SMYD3: variants seen among roughly 807,000 people sequenced by gnomAD.
The protein encoded by SMYD3 is SET and MYND domain containing 3.
In SMYD3, 36 loss-of-function variants were observed where a neutral mutation model predicts 57.7. That is an observed-to-expected ratio of 0.62 (90% CI 0.48 to 0.82). SMYD3 has a LOEUF of 0.82. Ranked by LOEUF, SMYD3 falls within the 40% of genes least tolerant of loss-of-function variation. The pLI is 0.00. For missense variants in SMYD3, 515 were observed against 538.8 expected, an observed-to-expected ratio of 0.96 and a Z score of 0.44; for synonymous variants, 211 against 195.0, an observed-to-expected ratio of 1.08 and a Z score of -0.68.
chr1:246,468,060 C>T (rs907994503), intron 1 of SMYD3, among the ~76,000 whole-genome samples: 1 of 151,074 alleles, frequency 6.6e-6, no homozygotes, highest in Non-Finnish European at 1.5e-5. Context: ...ACTCAGAAGG[C>T]TGGGTTGGGA....
chr1:245,897,977 A>G (rs1189242748), intron 8 of SMYD3, among the ~76,000 whole-genome samples: 1 of 152,096 alleles, frequency 6.6e-6, no homozygotes, highest in Non-Finnish European at 1.5e-5. Flanking sequence ...GTGGAAGTCC[A>G]GTAAGAATGC....
chr1:245,903,419 G>T (rs186954761), intron 8 of SMYD3, among the ~76,000 whole-genome samples: 8 of 152,296 alleles, frequency 5.3e-5, no homozygotes, highest in Admixed American at 1.3e-4. Context: ...AACAGGCAGA[G>T]CAAGATGCTG....
intron 5 of SMYD3, among the ~76,000 whole-genome samples, chr1:246,067,478 G>A (rs954171081): frequency 3.9e-5 from 6 of 152,156 alleles, no homozygotes; most frequent in Non-Finnish European, 8.8e-5. Context: ...ATGAGTTGGG[G>A]AGAGCATCTG....
chr1:246,461,961 A>T (rs1049408025), intron 1 of SMYD3, among the ~76,000 whole-genome samples: 7 of 151,978 alleles, frequency 4.6e-5, no homozygotes, highest in Middle Eastern at 6.8e-3. Flanking sequence ...CAAACGTATA[A>T]ACCAAATGTA....
At chr1:246,421,830 C>T (rs1190654873) in intron 1 of SMYD3, among the ~76,000 whole-genome samples, 2 of 152,178 alleles carry the variant, frequency 1.3e-5, no homozygotes, top group Non-Finnish European at 2.9e-5. Context: ...GAATCTGAGT[C>T]AGAAGCCCCT....
chr1:246,502,556 AC>A (rs1406417326), intron 1 of SMYD3, among the ~76,000 whole-genome samples: 1 of 152,184 alleles, frequency 6.6e-6, no homozygotes, highest in Non-Finnish European at 1.5e-5. Flanking sequence ...AACTTGTCAA[AC>A]AATATCTCAA....
intron 8 of SMYD3, among the ~76,000 whole-genome samples, chr1:245,881,041 G>A (rs2052753345): frequency 6.6e-6 from 1 of 152,282 alleles, no homozygotes; most frequent in African/African-American, 2.4e-5. Context: ...CCCATCCTGG[G>A]CTTATAGGCC....
chr1:246,334,842 A>C (rs998345542), intron 3 of SMYD3, among the ~76,000 whole-genome samples: 2 of 152,224 alleles, frequency 1.3e-5, no homozygotes, highest in Non-Finnish European at 2.9e-5. Flanking sequence ...GTTGCTTCTT[A>C]TGAATGAACA....
rs2062524260 is a variant in SMYD3, at chr1:246,180,433, G to A, written c.531+146768C>T. Among the ~76,000 whole-genome samples, 7 of 149,504 alleles carry A rather than the reference G, an allele frequency of 4.7e-5. No homozygotes were observed. The South Asian group carries it at 1.5e-3, about 32-fold the overall frequency. On this transcript the variant is annotated intron_variant, in intron 5 of 11. Transcript: ENST00000490107. ...TCATGAAGATTTGATTTTGGAGACT[G>A]ATGCAAATGTTTGCCACCTGATTTT...
rs1307881494 is a variant in SMYD3, at chr1:246,481,621, T to TATATATATATATATATATACACAC, written c.164+25432_164+25433insGTGTGTATATATATATATATATAT. On this transcript the variant is annotated intron_variant, in intron 1 of 11. Coordinates refer to ENST00000490107, the MANE Select transcript of SMYD3 (RefSeq NM_001167740.2). ...ATATATATATATACACATACATATA[T>TATATATATATATATATATACACAC]ACATACATACATACACATATTCATA... Among the ~76,000 whole-genome samples the TATATATATATATATATATACACAC allele has an allele frequency of 1.4e-4, 14 of 98,550 alleles. 1 individual carries two copies. The highest frequency in any genetic ancestry group is 7.3e-4 in the East Asian group (2 of 2,736). The allele number at this position is 98,550 out of a possible 152,430, so 64.7% of individuals were successfully genotyped here. A position where few individuals can be genotyped will look rare whatever the true frequency, so the allele number is the denominator to read the frequency against.
intron 5 of SMYD3, among the ~76,000 whole-genome samples, chr1:245,942,955 T>C (rs180798925): frequency 3.7e-4 from 56 of 152,266 alleles, no homozygotes; most frequent in Non-Finnish European, 7.2e-4. Flanking sequence ...AGAAACTATG[T>C]ACCAGAACCT....
At chr1:245,751,556 C>G (rs11590248) in intron 11 of SMYD3, among the ~76,000 whole-genome samples, 85 of 120,542 alleles carry the variant, frequency 7.1e-4, no homozygotes, top group African/African-American at 1.3e-3. Context: ...GAGAGAGAGA[C>G]AGAGAGACAG....
intron 5 of SMYD3, among the ~76,000 whole-genome samples, chr1:246,236,510 G>A (rs571761790): frequency 4.1e-4 from 63 of 152,198 alleles, no homozygotes; most frequent in African/African-American, 1.4e-3. Context: ...TGCCTCCTGG[G>A]TTCACGCCAT....
At chr1:245,924,629 T>A (rs1312418981) in intron 7 of SMYD3, among the ~76,000 whole-genome samples, 1 of 150,584 alleles carries the variant, frequency 6.6e-6, no homozygotes, top group Non-Finnish European at 1.5e-5. Context: ...GCCAGTCATT[T>A]GTAAATGTCT....
intron 5 of SMYD3, chr1:246,113,849 A>G (rs12092637): frequency 0.16 from 24,776 of 152,000 alleles, 3,605 homozygotes; most frequent in African/African-American, 0.39. Flanking sequence ...AACAATAAAC[A>G]TATCTGCTGA....
At chr1:245,844,644 G>A (rs12040678) in intron 10 of SMYD3, among the ~76,000 whole-genome samples, 33,583 of 147,674 alleles carry the variant, frequency 0.23, 4,975 homozygotes, top group African/African-American at 0.43. Flanking sequence ...TCCCAAGAAC[G>A]CTAACGGCCT....
intron 7 of SMYD3, among the ~76,000 whole-genome samples, chr1:245,919,309 T>C (rs917338964): frequency 1.3e-5 from 2 of 152,090 alleles, no homozygotes; most frequent in Admixed American, 1.3e-4. Flanking sequence ...CCTCCATGTC[T>C]CTCCCTGAAC....
chr1:245,786,006 G>C (rs1307616007), intron 10 of SMYD3, among the ~76,000 whole-genome samples: 1 of 151,118 alleles, frequency 6.6e-6, no homozygotes, highest in East Asian at 2.0e-4. Flanking sequence ...TGCCCAGCCA[G>C]AATTTTCTAA....
chr1:246,274,031 CTTT>C (rs2148554177), intron 5 of SMYD3, among the ~76,000 whole-genome samples: 1 of 152,200 alleles, frequency 6.6e-6, no homozygotes, highest in African/African-American at 2.4e-5. Flanking sequence ...GTATTAACTT[CTTT>C]ATCAGATATT....
Sources: gnomAD v4.1 joint callset for allele counts (sites outside exome capture counted in the v4.1 genomes callset) on GRCh38, gnomAD v4.1.1 for gene constraint, MANE v1.5 for transcripts, NCBI Gene and HGNC (gene_info 2026-07-23, HGNC 2026-07-21) for gene names.